Variants in SH3BGRL2 observed in about 807,000 individuals in gnomAD.
SH3BGRL2 encodes SH3 domain-binding glutamic acid-rich-like protein 2.
In SH3BGRL2, 21 loss-of-function variants were observed where a neutral mutation model predicts 14.8. That is an observed-to-expected ratio of 1.42 (90% confidence interval 1.01 to 2.05). The LOEUF is 2.05. Ranked by LOEUF, SH3BGRL2 falls within the 30% of genes most tolerant of loss-of-function variation. The pLI, the probability that SH3BGRL2 is intolerant of heterozygous loss-of-function variation, is 0.00. For missense variants in SH3BGRL2, 147 were observed against 130.8 expected (o/e 1.12, Z -0.61); for synonymous variants, 50 against 47.8 (o/e 1.05, Z -0.19).
the SH3BGRL2 span, among the ~76,000 whole-genome samples, chr6:79,606,066 G>A: frequency 6.6e-6 from 1 of 152,142 alleles, no homozygotes; most frequent in Non-Finnish European, 1.5e-5. Context: ...TCTGCAAGTT[G>A]GGAAACTGAC....
intron 2 of SH3BGRL2, among the ~76,000 whole-genome samples, chr6:79,693,320 T>C (rs1770264532): frequency 6.6e-6 from 1 of 151,626 alleles, no homozygotes; most frequent in South Asian, 2.1e-4. Context: ...CAATTTGACT[T>C]CCTCTTTTCC....
At chr6:79,539,261 GT>G in the SH3BGRL2 span, among the ~76,000 whole-genome samples, 1 of 152,140 alleles carries the variant, frequency 6.6e-6, no homozygotes, top group Non-Finnish European at 1.5e-5. Context: ...AGTTTTAAAA[GT>G]TTTATGACAT....
chr6:79,654,285 G>A, intron 1 of SH3BGRL2, among the ~76,000 whole-genome samples: 1 of 152,154 alleles, frequency 6.6e-6, no homozygotes, highest in Non-Finnish European at 1.5e-5. Context: ...AATATTTGGT[G>A]TGGCATTACC....
chr6:79,677,250 T>C (rs1000703400), intron 2 of SH3BGRL2, among the ~76,000 whole-genome samples: 1 of 152,146 alleles, frequency 6.6e-6, no homozygotes, highest in African/African-American at 2.4e-5. Context: ...CCAGAAAGCT[T>C]GTATATTTTT....
At chr6:79,598,194 G>A in the SH3BGRL2 span, among the ~76,000 whole-genome samples, 22 of 152,306 alleles carry the variant, frequency 1.4e-4, no homozygotes, top group African/African-American at 5.1e-4. Context: ...AGTTCCTCAA[G>A]AGGTTAAACA....
At chr6:79,689,787 A>G (rs1770172750) in intron 2 of SH3BGRL2, among the ~76,000 whole-genome samples, 2 of 152,216 alleles carry the variant, frequency 1.3e-5, no homozygotes, top group African/African-American at 4.8e-5. Context: ...AACCTGAAAT[A>G]TAAACATTAA....
At chr6:79,548,566 A>G in the SH3BGRL2 span, among the ~76,000 whole-genome samples, 2 of 152,198 alleles carry the variant, frequency 1.3e-5, no homozygotes, top group Non-Finnish European at 2.9e-5. Flanking sequence ...CTGTAGTACT[A>G]CAGGAAATAA....
the SH3BGRL2 span, among the ~76,000 whole-genome samples, chr6:79,551,975 T>C: frequency 1.3e-5 from 2 of 152,100 alleles, no homozygotes; most frequent in African/African-American, 4.8e-5. Flanking sequence ...CCTGTATTCT[T>C]GGATGCCTGG....
At chr6:79,607,954 G>A in the SH3BGRL2 span, among the ~76,000 whole-genome samples, 1 of 151,964 alleles carries the variant, frequency 6.6e-6, no homozygotes, top group Non-Finnish European at 1.5e-5. Flanking sequence ...TCAAAAAAAA[G>A]AAAAAGAAAA....
chr6:79,686,001 A>G (rs1770082845), intron 2 of SH3BGRL2, among the ~76,000 whole-genome samples: 2 of 152,156 alleles, frequency 1.3e-5, no homozygotes, highest in African/African-American at 2.4e-5. Context: ...AATTTTTTGT[A>G]AGTCTTTCAT....
intron 1 of SH3BGRL2, among the ~76,000 whole-genome samples, chr6:79,640,676 T>A (rs1769013483): frequency 1.3e-5 from 2 of 151,892 alleles, no homozygotes; most frequent in Admixed American, 1.3e-4. Context: ...GCAGGGTGTG[T>A]CTGCTTTGCT....
chr6:79,669,583 T>C (rs1769731540), intron 1 of SH3BGRL2, among the ~76,000 whole-genome samples: 1 of 151,864 alleles, frequency 6.6e-6, no homozygotes. Context: ...TAGCTAGGAT[T>C]ACAGGCATGC....
At chr6:79,687,529 T>G (rs750409821) in intron 2 of SH3BGRL2, among the ~76,000 whole-genome samples, 1 of 152,206 alleles carries the variant, frequency 6.6e-6, no homozygotes, top group South Asian at 2.1e-4. Flanking sequence ...CTGTTTTAGA[T>G]AACTGCATCT....
chr6:79,688,048 G>A (rs1008098751), intron 2 of SH3BGRL2, among the ~76,000 whole-genome samples: 3 of 152,074 alleles, frequency 2.0e-5, no homozygotes, highest in Admixed American at 6.6e-5. Flanking sequence ...TGGTCTAATC[G>A]GAGTGCACAG....
chr6:79,600,657 G>T, the SH3BGRL2 span, among the ~76,000 whole-genome samples: 3 of 152,014 alleles, frequency 2.0e-5, no homozygotes, highest in African/African-American at 7.2e-5. Flanking sequence ...ATTTAACCAG[G>T]CCCCCACCAG....
At chr6:79,589,427 G>C in the SH3BGRL2 span, among the ~76,000 whole-genome samples, 1 of 151,922 alleles carries the variant, frequency 6.6e-6, no homozygotes, top group Non-Finnish European at 1.5e-5. Flanking sequence ...CACTTGGCAA[G>C]AATTCCCAAG....
At chr6:79,624,784 G>A in the SH3BGRL2 span, among the ~76,000 whole-genome samples, 2 of 152,060 alleles carry the variant, frequency 1.3e-5, no homozygotes, top group African/African-American at 2.4e-5. Flanking sequence ...AAGGTGCTGG[G>A]GGAATGAAAG....
At chr6:79,674,481 T>G (rs1454709502) in intron 2 of SH3BGRL2, among the ~76,000 whole-genome samples, 6 of 152,194 alleles carry the variant, frequency 3.9e-5, no homozygotes, top group African/African-American at 1.4e-4. Flanking sequence ...AATGAGTAAG[T>G]TAGGATTTGC....
chr6:79,648,595 C>T (rs1769195028), intron 1 of SH3BGRL2, among the ~76,000 whole-genome samples: 1 of 151,762 alleles, frequency 6.6e-6, no homozygotes, highest in Non-Finnish European at 1.5e-5. Flanking sequence ...TTCTCCTGGC[C>T]TCAATGCAGT....
Sources: gnomAD v4.1 joint callset for allele counts (sites outside exome capture counted in the v4.1 genomes callset) on GRCh38, gnomAD v4.1.1 for gene constraint, MANE v1.5 for transcripts, NCBI Gene and HGNC (gene_info 2026-07-23, HGNC 2026-07-21) for gene names.